Variants in GLIPR2 observed in about 807,000 individuals in gnomAD.
GLIPR2 encodes the protein Golgi-associated plant pathogenesis-related protein 1.
Under a neutral mutation model 20.4 loss-of-function variants are expected in GLIPR2, and 21 were observed. The observed-to-expected ratio is 1.03, with a 90% CI of 0.73 to 1.48. The LOEUF (loss-of-function observed/expected upper bound fraction) is 1.48. GLIPR2 is among the 40% of genes most tolerant of loss of function. The pLI is 0.00. For missense variants in GLIPR2, 205 were observed against 200.1 expected, an observed-to-expected ratio of 1.02 and a Z score of -0.15; for synonymous variants, 91 against 80.5, an observed-to-expected ratio of 1.13 and a Z score of -0.70.
intron 1 of GLIPR2, among the ~76,000 whole-genome samples, chr9:36,140,155 C>T (rs1464806950): frequency 6.6e-6 from 1 of 152,162 alleles, no homozygotes; most frequent in African/African-American, 2.4e-5. Context: ...TGACCACTTG[C>T]CCTGACACCC....
chr9:36,141,713 G>A (rs1420112360), intron 1 of GLIPR2: 3 of 411,630 alleles, frequency 7.3e-6, no homozygotes, highest in Non-Finnish European at 1.4e-5. Flanking sequence ...GAGTGCAGTG[G>A]TGCGATCATG....
chr9:36,159,951 G>A (rs1825987874), intron 4 of GLIPR2, among the ~76,000 whole-genome samples: 1 of 152,182 alleles, frequency 6.6e-6, no homozygotes, highest in Non-Finnish European at 1.5e-5. Context: ...GGGCAACGGT[G>A]AGACTCCGTC....
intron 4 of GLIPR2, among the ~76,000 whole-genome samples, chr9:36,156,583 AC>A (rs1430384500): frequency 6.6e-6 from 1 of 152,000 alleles, no homozygotes; most frequent in Non-Finnish European, 1.5e-5. Flanking sequence ...AGACCAGGGG[AC>A]CCCAACTCCT....
intron 1 of GLIPR2, among the ~76,000 whole-genome samples, chr9:36,139,136 A>G (rs938002020): frequency 3.3e-5 from 5 of 152,066 alleles, no homozygotes; most frequent in African/African-American, 4.8e-5. Context: ...GTGACAACTT[A>G]TTGTGAAGCA....
At chr9:36,156,274 G>A (rs1825824546) in intron 4 of GLIPR2, among the ~76,000 whole-genome samples, 1 of 151,030 alleles carries the variant, frequency 6.6e-6, no homozygotes, top group African/African-American at 2.4e-5. Context: ...CTGTGGTCCT[G>A]GTTACAGGAG....
At chr9:36,141,345 C>CT (rs113461412) in intron 1 of GLIPR2, among the ~76,000 whole-genome samples, 7,251 of 145,882 alleles carry the variant, frequency 0.05, 578 homozygotes, top group African/African-American at 0.17. Context: ...GAAATTCATT[C>CT]TTTTTTTTTT....
intron 4 of GLIPR2, among the ~76,000 whole-genome samples, chr9:36,152,212 T>C (rs375964670): frequency 6.6e-6 from 1 of 152,244 alleles, no homozygotes. Context: ...GAATAGGTGA[T>C]TCTGGGGCAA....
At chr9:36,137,675 A>T (rs1339093446) in intron 1 of GLIPR2, among the ~76,000 whole-genome samples, 2 of 152,034 alleles carry the variant, frequency 1.3e-5, no homozygotes, top group African/African-American at 2.4e-5. Flanking sequence ...CCTGTTTCCC[A>T]CCGGGTCCTC....
Position 36,148,639 on chromosome 9 carries a change from A to G in GLIPR2, c.215A>G (p.Tyr72Cys), listed in dbSNP as rs771407106. The change falls in exon 3 of 5, where the codon TAT (tyrosine) becomes TGT (cysteine). Residue 72 changes from tyrosine (Y) to cysteine (C), a missense_variant. Coordinates refer to ENST00000377960, the MANE Select transcript of GLIPR2 (RefSeq NM_022343.4). ...QCGENLAWAS[Y>C]DQTGKEVADR... ...GGGGAGAACCTTGCATGGGCATCCT[A>G]TGATCAGACAGGTGGGTCGCATTTT... The G allele has an allele frequency of 2.4e-5, 38 of 1,610,764 alleles. 2 individuals carry two copies. The highest frequency in any genetic ancestry group is 1.8e-4 in the South Asian group (16 of 90,940).
At chr9:36,162,043 C>T (rs963560805) in intron 4 of GLIPR2, among the ~76,000 whole-genome samples, 2 of 152,062 alleles carry the variant, frequency 1.3e-5, no homozygotes, top group South Asian at 2.1e-4. Flanking sequence ...GGCGTGGTGG[C>T]ATGCACCTGT....
chr9:36,144,489 T>C (rs1239207927), intron 1 of GLIPR2: 1 of 152,224 alleles, frequency 6.6e-6, no homozygotes, highest in Non-Finnish European at 1.5e-5. Flanking sequence ...GTTTTTCCTA[T>C]TGACAAGGGC....
intron 4 of GLIPR2, among the ~76,000 whole-genome samples, chr9:36,155,837 G>T (rs796262959): frequency 7.2e-5 from 11 of 152,090 alleles, no homozygotes; most frequent in African/African-American, 2.7e-4. Flanking sequence ...ACTTTGGGAG[G>T]CCAAGGCAAG....
At chr9:36,141,358 TC>T in intron 1 of GLIPR2, among the ~76,000 whole-genome samples, 1 of 152,078 alleles carries the variant, frequency 6.6e-6, no homozygotes, top group East Asian at 1.9e-4. Context: ...TTTTTTTTTT[TC>T]CTTAAACTGC....
intron 3 of GLIPR2, 125 bp from the exon 4 acceptor site, chr9:36,150,747 G>A: frequency 1.5e-6 from 1 of 681,548 alleles, no homozygotes; most frequent in Non-Finnish European, 2.6e-6. Context: ...TGTGTCAGCT[G>A]ACTGGGGCTT....
At chr9:36,138,018 A>G (rs1824904666) in intron 1 of GLIPR2, among the ~76,000 whole-genome samples, 1 of 152,312 alleles carries the variant, frequency 6.6e-6, no homozygotes, top group South Asian at 2.1e-4. Flanking sequence ...TGTCTGTACA[A>G]TGAGGGTGGC....
At chr9:36,159,602 G>C (rs1825973464) in intron 4 of GLIPR2, among the ~76,000 whole-genome samples, 2 of 152,168 alleles carry the variant, frequency 1.3e-5, no homozygotes, top group Admixed American at 1.3e-4. Flanking sequence ...CACACAAATG[G>C]GAAGAATGGT....
At chr9:36,145,946 ATT>A (rs1825311512) in intron 1 of GLIPR2, among the ~76,000 whole-genome samples, 1 of 152,052 alleles carries the variant, frequency 6.6e-6, no homozygotes, top group Non-Finnish European at 1.5e-5. Flanking sequence ...TCATGACCTA[ATT>A]GGGCATGGGC....
chr9:36,145,376 TGCATCTTG>T lies in GLIPR2; in HGVS notation c.14-2406_14-2399del, dbSNP rs201587300. Among the ~76,000 whole-genome samples, 1,293 of 152,376 alleles carry T rather than the reference TGCATCTTG, an allele frequency of 8.5e-3. 9 individuals are homozygous for T. Among genetic ancestry groups the T allele is most frequent in the African/African-American group, 0.028 (1,174 of 41,584 alleles). On this transcript the variant is annotated intron_variant, in intron 1 of 4. Coordinates refer to ENST00000377960, the MANE Select transcript of GLIPR2 (RefSeq NM_022343.4). Reference sequence around the variant, plus strand: ...AGTTCCTTTTGCACCTGTGCTTACCTGCATCTTGGCACCTATCACATGGCTAGTGTCTG... The same window carrying T: ...AGTTCCTTTTGCACCTGTGCTTACCTGCACCTATCACATGGCTAGTGTCTG...
chr9:36,142,024 C>T (rs1825112794), intron 1 of GLIPR2, among the ~76,000 whole-genome samples: 1 of 152,082 alleles, frequency 6.6e-6, no homozygotes, highest in Admixed American at 6.5e-5. Flanking sequence ...TATTTTAAGT[C>T]CCAAGTCTGG....
Sources: gnomAD v4.1 joint callset for allele counts (sites outside exome capture counted in the v4.1 genomes callset) on GRCh38, gnomAD v4.1.1 for gene constraint, MANE v1.5 for transcripts, NCBI Gene and HGNC (gene_info 2026-07-23, HGNC 2026-07-21) for gene names.